UST: variants seen among roughly 807,000 people sequenced by gnomAD.
The protein encoded by UST is chondroitin sulfate 2-O-sulfotransferase.
In UST, 21 loss-of-function variants were observed where a neutral mutation model predicts 45.6. That is an observed-to-expected ratio of 0.46 (90% CI 0.33 to 0.66). The LOEUF (loss-of-function observed/expected upper bound fraction) is 0.66. UST is among the 30% of genes least tolerant of loss of function. The pLI is 0.02. For synonymous variants in UST, 215 were observed against 200.6 expected, an observed-to-expected ratio of 1.07 and a Z score of -0.61; for missense variants, 463 against 512.4, an observed-to-expected ratio of 0.90 and a Z score of 0.93.
intron 5 of UST, among the ~76,000 whole-genome samples, chr6:148,967,735 A>G (rs1213338080): frequency 2.0e-5 from 3 of 152,056 alleles, no homozygotes; most frequent in Non-Finnish European, 4.4e-5. Flanking sequence ...GCTGGCCTGA[A>G]ATGAGTCTGC....
chr6:148,804,508 T>G (rs1777111650), intron 1 of UST, among the ~76,000 whole-genome samples: 1 of 152,294 alleles, frequency 6.6e-6, no homozygotes, highest in South Asian at 2.1e-4. Flanking sequence ...CAAGGCTTAA[T>G]TAATAAGTGT....
At chr6:148,879,960 T>TTTC (rs1778793662) in intron 1 of UST, among the ~76,000 whole-genome samples, 1 of 147,040 alleles carries the variant, frequency 6.8e-6, no homozygotes, top group African/African-American at 2.5e-5. Context: ...TTCTTTTTTT[T>TTTC]TTTTTTTGAC....
chr6:148,907,737 T>C (rs557106798), intron 2 of UST, among the ~76,000 whole-genome samples: 26 of 152,228 alleles, frequency 1.7e-4, no homozygotes, highest in African/African-American at 6.3e-4. Flanking sequence ...CTGCAATACG[T>C]ACAGAGCCCT....
At chr6:148,762,591 G>C (rs961591) in intron 1 of UST, among the ~76,000 whole-genome samples, 9,080 of 150,846 alleles carry the variant, frequency 0.06, 369 homozygotes, top group Non-Finnish European at 0.091. Flanking sequence ...TTTTACATGG[G>C]TATATTGCAT....
chr6:148,823,867 C>G (rs1011941640), intron 1 of UST, among the ~76,000 whole-genome samples: 3 of 152,154 alleles, frequency 2.0e-5, no homozygotes, highest in African/African-American at 7.2e-5. Context: ...ATTCCTCCTC[C>G]AGGTAGACTT....
In UST at chr6:149,017,815, C is replaced by T. The variant is rs962682454; in HGVS notation, c.682-1324C>T. Among the ~76,000 whole-genome samples the T allele has an allele frequency of 9.2e-3, 1,388 of 151,158 alleles. 33 individuals are homozygous for T. Among genetic ancestry groups the T allele is most frequent in the African/African-American group, 0.033 (1,327 of 40,756 alleles). ...ATCCATATATACACACACACACACACACACACACACACACACACACACATC... is the reference window on the plus strand; with the variant it reads ...ATCCATATATACACACACACACACATACACACACACACACACACACACATC... On this transcript the variant is annotated intron_variant, in intron 5 of 7. Coordinates refer to ENST00000367463, the MANE Select transcript of UST (RefSeq NM_005715.3).
intron 1 of UST, among the ~76,000 whole-genome samples, chr6:148,769,883 T>TA (rs1184886001): frequency 6.7e-6 from 1 of 149,310 alleles, no homozygotes; most frequent in African/African-American, 2.5e-5. Context: ...TTTTTTTTTT[T>TA]ATAGGAAAAG....
Position 148,809,851 on chromosome 6 carries a change from C to CT in UST, c.247+62182dup, listed in dbSNP as rs571102675. Among the ~76,000 whole-genome samples the CT allele has an allele frequency of 3.9e-3, 593 of 152,160 alleles. 1 individual carries two copies. The highest frequency in any genetic ancestry group is 0.014 in the Middle Eastern group (4 of 294). ...GCATCATTCCAGTGGTTGTCTTAAT[C>CT]TTTTTTTTAAATATTATATTGTTCA... On this transcript the variant is annotated intron_variant, in intron 1 of 7. Transcript: ENST00000367463.
At chr6:148,991,774 A>T (rs760084800) in intron 5 of UST, among the ~76,000 whole-genome samples, 2 of 152,132 alleles carry the variant, frequency 1.3e-5, no homozygotes, top group Non-Finnish European at 2.9e-5. Flanking sequence ...AAATAATTCA[A>T]TGGATTAGGT....
At chr6:148,751,469 C>T (rs1271503393) in intron 1 of UST, among the ~76,000 whole-genome samples, 1 of 152,096 alleles carries the variant, frequency 6.6e-6, no homozygotes, top group Non-Finnish European at 1.5e-5. Flanking sequence ...CTTTCTCTTC[C>T]CCATAGGAGA....
At chr6:148,910,550 A>C (rs1013516809) in intron 2 of UST, among the ~76,000 whole-genome samples, 1 of 152,168 alleles carries the variant, frequency 6.6e-6, no homozygotes, top group Non-Finnish European at 1.5e-5. Flanking sequence ...TCTTTAGGTC[A>C]TAACCACAGA....
At chr6:149,073,220 G>T (rs971265210) in intron 7 of UST, among the ~76,000 whole-genome samples, 6 of 152,170 alleles carry the variant, frequency 3.9e-5, no homozygotes, top group African/African-American at 1.4e-4. Context: ...AAGGCAGAAG[G>T]ATCTCTTGAT....
At chr6:149,053,971 T>C (rs1744345089) in intron 7 of UST, among the ~76,000 whole-genome samples, 1 of 152,148 alleles carries the variant, frequency 6.6e-6, no homozygotes, top group African/African-American at 2.4e-5. Context: ...AGGGTGGGAA[T>C]AATGGCTCTC....
At chr6:148,964,345 T>A in intron 4 of UST, 65 bp from the exon 5 acceptor site, 2 of 1,585,108 alleles carry the variant, frequency 1.3e-6, no homozygotes, top group Non-Finnish European at 1.7e-6. Context: ...GGGGAGATGT[T>A]GTCTAAGTAG....
intron 3 of UST, among the ~76,000 whole-genome samples, chr6:148,952,644 C>T (rs1780387035): frequency 6.6e-6 from 1 of 152,220 alleles, no homozygotes; most frequent in Non-Finnish European, 1.5e-5. Context: ...GGCTTTCTGT[C>T]ATGTTTGAGA....
chr6:148,986,682 A>G (rs924001222), intron 5 of UST, among the ~76,000 whole-genome samples: 1 of 152,222 alleles, frequency 6.6e-6, no homozygotes, highest in African/African-American at 2.4e-5. Flanking sequence ...GCTACAGACA[A>G]TTGGCTTCAT....
intron 5 of UST, among the ~76,000 whole-genome samples, chr6:148,994,927 A>G (rs1401626349): frequency 1.3e-5 from 2 of 151,924 alleles, no homozygotes; most frequent in Non-Finnish European, 2.9e-5. Context: ...TTCACCCCTT[A>G]CCTCTGCAGA....
chr6:149,001,745 G>A (rs1274674302), intron 5 of UST, among the ~76,000 whole-genome samples: 1 of 152,120 alleles, frequency 6.6e-6, no homozygotes, highest in African/African-American at 2.4e-5. Context: ...GGCATAAAAA[G>A]CAACAGTGAA....
At chr6:149,038,119 G>A (rs1776262639) in intron 7 of UST, among the ~76,000 whole-genome samples, 1 of 151,982 alleles carries the variant, frequency 6.6e-6, no homozygotes, top group Admixed American at 6.6e-5. Flanking sequence ...ATTTGCATTT[G>A]GATAGCGCTT....
Sources: gnomAD v4.1 joint callset for allele counts (sites outside exome capture counted in the v4.1 genomes callset) on GRCh38, gnomAD v4.1.1 for gene constraint, MANE v1.5 for transcripts, NCBI Gene and HGNC (gene_info 2026-07-23, HGNC 2026-07-21) for gene names.